Variants in UBE2E2 observed in about 807,000 individuals in gnomAD.
The protein encoded by UBE2E2 is ubiquitin-conjugating enzyme E2 E2.
Under a neutral mutation model 24.7 loss-of-function variants are expected in UBE2E2, and 6 were observed. That is an observed-to-expected ratio of 0.24 (90% confidence interval 0.13 to 0.48). The LOEUF is 0.48. Among genes scored for constraint, UBE2E2 ranks in the 20% least tolerant of loss-of-function variants. UBE2E2 has a pLI of 0.99. For synonymous variants in UBE2E2, 104 were observed against 83.6 expected (o/e 1.24, Z -1.33); for missense variants, 169 against 245.0 (o/e 0.69, Z 2.07).
chr3:23,472,653 CTTTT>C (rs572862770), intron 3 of UBE2E2, among the ~76,000 whole-genome samples: 3 of 143,496 alleles, frequency 2.1e-5, no homozygotes, highest in Non-Finnish European at 3.1e-5. Flanking sequence ...ATCTGTAACA[CTTTT>C]TTTTTTTTTT....
intron 5 of UBE2E2, among the ~76,000 whole-genome samples, chr3:23,571,339 G>C (rs1339475939): frequency 1.8e-5 from 2 of 109,006 alleles, no homozygotes; most frequent in East Asian, 6.0e-4. Flanking sequence ...AGATAGGCTA[G>C]AATGCAGTGG....
At chr3:23,253,449 A>G (rs1015265582) in intron 3 of UBE2E2, among the ~76,000 whole-genome samples, 2 of 152,216 alleles carry the variant, frequency 1.3e-5, no homozygotes, top group African/African-American at 2.4e-5. Flanking sequence ...TTAGTAATCT[A>G]GGAAATGAGA....
At chr3:23,370,231 T>A (rs1445256025) in intron 3 of UBE2E2, among the ~76,000 whole-genome samples, 6 of 152,208 alleles carry the variant, frequency 3.9e-5, no homozygotes, top group Non-Finnish European at 8.8e-5. Context: ...CACTTCTAGA[T>A]TACTTTACTA....
chr3:23,407,549 A>T lies in UBE2E2; in HGVS notation c.228-92059A>T, dbSNP rs893458722. 1.2e-4 allele frequency among the ~76,000 whole-genome samples: 18 copies of T among 150,608 alleles called. No homozygotes were observed. The highest frequency in any genetic ancestry group is 2.1e-4 in the Non-Finnish European group (14 of 67,890). ...TTTCACTACCGTCAACATTTGCTAC[A>T]TCCTTTATCTCCTCTGCGCCCCTCC... On this transcript the variant is annotated intron_variant, in intron 3 of 5. Coordinates refer to ENST00000396703, the MANE Select transcript of UBE2E2 (RefSeq NM_152653.4). This position sits in a 1 kb window ranked among gnomAD's most constrained non-coding sequence, Gnocchi z 4.0.
At chr3:23,352,061 A>G (rs1247613511) in intron 3 of UBE2E2, among the ~76,000 whole-genome samples, 2 of 152,236 alleles carry the variant, frequency 1.3e-5, no homozygotes, top group African/African-American at 2.4e-5. Flanking sequence ...ATCAAACTAG[A>G]GCTCAGGATT....
intron 3 of UBE2E2, among the ~76,000 whole-genome samples, chr3:23,467,415 A>G (rs1483335639): frequency 6.6e-6 from 1 of 151,976 alleles, no homozygotes; most frequent in Non-Finnish European, 1.5e-5. Context: ...TTGGAATCCA[A>G]CTCGCTTGGT....
rs917208553 is a variant in UBE2E2, at chr3:23,591,014, T to C, written c.*1183T>C. ...TGTTGTTGCTGCTCTTTTTTCTCCA[T>C]GATTTTAGCAAAAGAAGTAAACTCA... On this transcript the variant is annotated 3_prime_UTR_variant, in exon 6 of 6. Coordinates refer to ENST00000396703, the MANE Select transcript of UBE2E2 (RefSeq NM_152653.4). The C allele has an allele frequency of 6.6e-6, 1 of 152,236 alleles. No homozygotes were observed. Among genetic ancestry groups the C allele is most frequent in the African/African-American group, 2.4e-5 (1 of 41,456 alleles). The allele number at this position is 152,236 out of a possible 1,614,324, so 9.4% of individuals were successfully genotyped here. A position where few individuals can be genotyped will look rare whatever the true frequency, so the allele number is the denominator to read the frequency against.
chr3:23,485,479 A>G (rs1054892532), intron 3 of UBE2E2, among the ~76,000 whole-genome samples: 3 of 152,162 alleles, frequency 2.0e-5, no homozygotes, highest in Admixed American at 2.0e-4. Flanking sequence ...GCCATCTAGC[A>G]CTTTTCTTCT....
chr3:23,413,957 A>G (rs551959191), intron 3 of UBE2E2, among the ~76,000 whole-genome samples: 1 of 152,282 alleles, frequency 6.6e-6, no homozygotes, highest in South Asian at 2.1e-4. Context: ...CTTGGTTTTT[A>G]CATTTGTTCC....
At chr3:23,356,332 C>G (rs1052582364) in intron 3 of UBE2E2, among the ~76,000 whole-genome samples, 2 of 152,144 alleles carry the variant, frequency 1.3e-5, no homozygotes, top group Non-Finnish European at 2.9e-5. Flanking sequence ...GTGAAATAGA[C>G]AAATATTTCA....
chr3:23,565,518 G>A (rs2125507910), intron 5 of UBE2E2, among the ~76,000 whole-genome samples: 2 of 129,828 alleles, frequency 1.5e-5, no homozygotes, highest in Admixed American at 1.7e-4. Context: ...AGGTGAGAAA[G>A]GTCAACAGGT....
chr3:23,313,229 A>G (rs1694460681), intron 3 of UBE2E2, among the ~76,000 whole-genome samples: 1 of 151,954 alleles, frequency 6.6e-6, no homozygotes, highest in African/African-American at 2.4e-5. Context: ...CGTTTCTTAC[A>G]GTTTTTGTCT....
At chr3:23,318,824 A>T (rs925066686) in intron 3 of UBE2E2, among the ~76,000 whole-genome samples, 1 of 152,220 alleles carries the variant, frequency 6.6e-6, no homozygotes, top group East Asian at 1.9e-4. Flanking sequence ...CAGCCAAACC[A>T]TATCAAACAC....
chr3:23,353,153 T>C (rs7374774), intron 3 of UBE2E2, among the ~76,000 whole-genome samples: 1 of 151,514 alleles, frequency 6.6e-6, no homozygotes, highest in African/African-American at 2.4e-5. Flanking sequence ...TATCTCAATA[T>C]ATGCAGAAAA....
intron 5 of UBE2E2, among the ~76,000 whole-genome samples, chr3:23,577,215 G>A (rs554648117): frequency 6.2e-4 from 94 of 151,978 alleles, no homozygotes; most frequent in African/African-American, 2.2e-3. Context: ...CATGTCAAAA[G>A]CCAAAACAGG....
intron 5 of UBE2E2, among the ~76,000 whole-genome samples, chr3:23,537,415 C>G (rs943955592): frequency 6.6e-6 from 1 of 152,178 alleles, no homozygotes; most frequent in Non-Finnish European, 1.5e-5. Flanking sequence ...ATCGGTTACT[C>G]CAGTCTTAGA....
intron 3 of UBE2E2, among the ~76,000 whole-genome samples, chr3:23,325,652 C>G (rs771102533): frequency 5.3e-5 from 8 of 152,196 alleles, no homozygotes; most frequent in Non-Finnish European, 1.0e-4. Context: ...TGAACGTCCT[C>G]TCCGGTGTAT....
At chr3:23,285,628 A>T (rs1698599482) in intron 3 of UBE2E2, among the ~76,000 whole-genome samples, 1 of 152,158 alleles carries the variant, frequency 6.6e-6, no homozygotes, top group Non-Finnish European at 1.5e-5. Context: ...ATATTCAGTG[A>T]TGTTGAGCAC....
chr3:23,236,662 AT>A (rs1697122136), intron 3 of UBE2E2, among the ~76,000 whole-genome samples: 1 of 152,102 alleles, frequency 6.6e-6, no homozygotes, highest in South Asian at 2.1e-4. Context: ...TGGTCGACAT[AT>A]ATTCTTCTTC....
Sources: allele counts gnomAD v4.1 joint callset (sites outside exome capture counted in the v4.1 genomes callset), GRCh38; gene constraint gnomAD v4.1.1; non-coding constraint Gnocchi (gnomAD v3.1); transcripts MANE v1.5; gene names NCBI Gene and HGNC (gene_info 2026-07-23, HGNC 2026-07-21).